The following WIF1 variants were observed in gnomAD, a reference collection of about 807,000 sequenced individuals.
WIF1 encodes Wnt inhibitory factor 1.
A neutral mutation model predicts 53.5 loss-of-function variants in WIF1; 35 were observed. That is an observed-to-expected ratio of 0.65 (90% CI 0.50 to 0.87). The LOEUF is 0.87. WIF1 is among the 40% of genes least tolerant of loss of function. The pLI is 0.00. For missense variants in WIF1, 467 were observed against 476.8 expected (o/e 0.98, Z 0.19); for synonymous variants, 171 against 170.4 (o/e 1.00, Z -0.03).
At chr12:65,105,169 G>A (rs914410833) in intron 2 of WIF1, among the ~76,000 whole-genome samples, 2 of 152,118 alleles carry the variant, frequency 1.3e-5, no homozygotes, top group African/African-American at 2.4e-5. Context: ...TGTCTCTGGT[G>A]GTCTGTGGCA....
chr12:65,100,562 G>A (rs1489292376), intron 2 of WIF1, among the ~76,000 whole-genome samples: 2 of 152,116 alleles, frequency 1.3e-5, no homozygotes, highest in Non-Finnish European at 2.9e-5. Context: ...TGTGCCAAGA[G>A]CCCGTAGAAT....
rs1882440221 is a variant in WIF1 at position 65,051,431 on chromosome 12, C to G, written c.1058G>C (p.Gly353Ala). The change falls in exon 10 of 10, where the codon GGC becomes GCC. Residue 353 changes from glycine to alanine, a missense_variant. Physicochemically the swap from Gly to Ala is moderately conservative, Grantham distance 60. Coordinates refer to ENST00000286574, the MANE Select transcript of WIF1 (RefSeq NM_007191.5). ...AGGCGTGTGCTGCCTGAGCTGGGCG[C>G]CTGCTGGCCTCAGGGCATGTATGAG... ...ASLIHALRPA[G>A]AQLRQHTPSL... 6.2e-7 allele frequency: 1 copy of G among 1,613,278 alleles called. No individual in the cohort carries two copies. The highest frequency in any genetic ancestry group is 8.5e-7 in the Non-Finnish European group (1 of 1,179,730).
At chr12:65,063,435 G>A (rs990864497) in intron 6 of WIF1, among the ~76,000 whole-genome samples, 2 of 152,138 alleles carry the variant, frequency 1.3e-5, no homozygotes, top group Admixed American at 1.3e-4. Context: ...AGCAATTCCA[G>A]TTATATGACC....
intron 2 of WIF1, chr12:65,083,696 T>A (rs187633694): frequency 9.2e-6 from 3 of 325,688 alleles, no homozygotes; most frequent in Non-Finnish European, 1.7e-5. Context: ...TGGAGCCTGG[T>A]TCATTATCTT....
chr12:65,068,387 A>G (rs1229616409), intron 4 of WIF1, among the ~76,000 whole-genome samples: 1 of 152,086 alleles, frequency 6.6e-6, no homozygotes, highest in Non-Finnish European at 1.5e-5. Flanking sequence ...AAGTGCTGGT[A>G]ATTATGAGCC....
At chr12:65,067,866 G>A in intron 4 of WIF1, 76 bp from the exon 5 acceptor site, 2 of 1,301,720 alleles carry the variant, frequency 1.5e-6, no homozygotes, top group South Asian at 2.5e-5. Flanking sequence ...GTGTGAGACA[G>A]TAGTGTTCAT....
intron 9 of WIF1, among the ~76,000 whole-genome samples, chr12:65,054,409 C>A (rs991231116): frequency 1.3e-5 from 2 of 152,144 alleles, no homozygotes; most frequent in African/African-American, 4.8e-5. Context: ...ACTGGTGTGT[C>A]CCCAGTGCTT....
intron 7 of WIF1, among the ~76,000 whole-genome samples, chr12:65,059,197 A>T (rs1882574309): frequency 6.6e-6 from 1 of 152,228 alleles, no homozygotes; most frequent in Admixed American, 6.5e-5. Context: ...AAATAAAGAC[A>T]TTAAATTTCT....
intron 8 of WIF1, among the ~76,000 whole-genome samples, chr12:65,055,675 C>T (rs1236987445): frequency 2.6e-5 from 4 of 152,218 alleles, no homozygotes; most frequent in South Asian, 2.1e-4. Flanking sequence ...CTCGGGAGGC[C>T]GAGGCAGGGG....
Position 65,070,562 on chromosome 12 carries a change from A to C in WIF1, c.398-1658T>G, listed in dbSNP as rs553462469. ...CTTCTTATGACTCTTTTACATGGACAGGTAGGCCAATAATTGCTTTGAGGC... is the reference window on the plus strand; with the variant it reads ...CTTCTTATGACTCTTTTACATGGACCGGTAGGCCAATAATTGCTTTGAGGC... On this transcript the variant is annotated intron_variant, in intron 3 of 9. Coordinates refer to ENST00000286574, the MANE Select transcript of WIF1 (RefSeq NM_007191.5). 1.7e-4 allele frequency among the ~76,000 whole-genome samples: 26 copies of C among 152,312 alleles called. No homozygotes were observed. The South Asian group carries it at 4.8e-3, about 28-fold the overall frequency.
At chr12:65,086,444 A>T (rs1214276300) in intron 2 of WIF1, among the ~76,000 whole-genome samples, 1 of 152,190 alleles carries the variant, frequency 6.6e-6, no homozygotes, top group Non-Finnish European at 1.5e-5. Flanking sequence ...GGGACTGAGG[A>T]AAGAAAATGT....
chr12:65,070,061 T>C (rs1351732336), intron 3 of WIF1, among the ~76,000 whole-genome samples: 1 of 152,194 alleles, frequency 6.6e-6, no homozygotes, highest in African/African-American at 2.4e-5. Flanking sequence ...AGAGTGTCGA[T>C]AAACTTTCTC....
At chr12:65,096,487 A>G (rs1170062410) in intron 2 of WIF1, among the ~76,000 whole-genome samples, 1 of 152,210 alleles carries the variant, frequency 6.6e-6, no homozygotes, top group East Asian at 1.9e-4. Context: ...AACCAGAAAT[A>G]CCATTTGACC....
intron 7 of WIF1, among the ~76,000 whole-genome samples, chr12:65,059,931 C>T (rs111403433): frequency 1.3e-5 from 2 of 151,876 alleles, no homozygotes; most frequent in African/African-American, 4.8e-5. Flanking sequence ...GGATTATAGG[C>T]GTGAGCCACT....
intron 9 of WIF1, among the ~76,000 whole-genome samples, chr12:65,051,675 A>C (rs1882444418): frequency 6.6e-6 from 1 of 152,244 alleles, no homozygotes; most frequent in Admixed American, 6.5e-5. Flanking sequence ...TTTCCATTGG[A>C]TTTCTCATTC....
chr12:65,064,411 C>A (rs1444389081), intron 6 of WIF1, among the ~76,000 whole-genome samples: 2 of 152,172 alleles, frequency 1.3e-5, no homozygotes, highest in Non-Finnish European at 2.9e-5. Flanking sequence ...CTGGCCAGTG[C>A]TAAACTCCTT....
intron 7 of WIF1, among the ~76,000 whole-genome samples, chr12:65,062,250 G>C (rs1882624356): frequency 1.3e-5 from 2 of 152,116 alleles, no homozygotes; most frequent in Non-Finnish European, 1.5e-5. Context: ...ACATAACCGA[G>C]TCAGAGAGCA....
chr12:65,062,317 A>C (rs1279376179), intron 7 of WIF1, among the ~76,000 whole-genome samples, 164 bp downstream of exon 7: 1 of 152,114 alleles, frequency 6.6e-6, no homozygotes, highest in Non-Finnish European at 1.5e-5. Flanking sequence ...CTTCAGCCAA[A>C]ATGCATGGTA....
In WIF1 at chr12:65,102,396, C is replaced by T. The variant is rs533859043; in HGVS notation, c.288+18021G>A. 3.2e-4 allele frequency among the ~76,000 whole-genome samples: 49 copies of T among 152,252 alleles called. 1 individual carries two copies. The highest frequency in any genetic ancestry group is 1.1e-3 in the African/African-American group (44 of 41,560). ...GCCCTTAAGAGCCAGTGTTTCAGCT[C>T]GAAGGCAGTCAAGCAGGAGTTCTCT... On this transcript the variant is annotated intron_variant, in intron 2 of 9. Coordinates refer to ENST00000286574, the MANE Select transcript of WIF1 (RefSeq NM_007191.5).
Sources: gnomAD v4.1 joint callset for allele counts (sites outside exome capture counted in the v4.1 genomes callset) on GRCh38, gnomAD v4.1.1 for gene constraint, MANE v1.5 for transcripts, NCBI Gene and HGNC (gene_info 2026-07-23, HGNC 2026-07-21) for gene names.